Variants in VPS4B observed in about 807,000 individuals in gnomAD.
VPS4B encodes vacuolar protein sorting 4 homolog B, also known as vacuolar protein sorting-associated protein 4B.
Under a neutral mutation model 56.1 loss-of-function variants are expected in VPS4B, and 23 were observed. That is an observed-to-expected ratio of 0.41 (90% CI 0.30 to 0.58). VPS4B has a LOEUF of 0.58. Among genes scored for constraint, VPS4B ranks in the 20% least tolerant of loss-of-function variants. VPS4B has a pLI of 0.29. For missense variants in VPS4B, 372 were observed against 531.9 expected (o/e 0.70, Z 2.96); for synonymous variants, 177 against 186.0 (o/e 0.95, Z 0.39).
Position 63,422,331 on chromosome 18 carries a change from C to T in VPS4B, c.-72G>A. On this transcript the variant is annotated 5_prime_UTR_variant, in exon 1 of 11. Coordinates refer to ENST00000238497, the MANE Select transcript of VPS4B (RefSeq NM_004869.4). ...CCAACAGCAGCAACGTCGAAGCGCG[C>T]ACGGGGTAACAGCCCTCAAACTGGG... is the stretch of plus-strand genomic sequence containing the variant. The T allele has an allele frequency of 1.4e-6, 2 of 1,393,808 alleles. No homozygotes were observed. The highest frequency in any genetic ancestry group is 1.9e-6 in the Non-Finnish European group (2 of 1,057,822). 86.3% of individuals were successfully genotyped at this position (1,393,808 alleles called of 1,614,324 possible). A position where few individuals can be genotyped will look rare whatever the true frequency, so the allele number is the denominator to read the frequency against.
At chr18:63,398,204 C>CACACACACACATATATATATAT (rs1298374245) in intron 8 of VPS4B, among the ~76,000 whole-genome samples, 1 of 112,444 alleles carries the variant, frequency 8.9e-6, no homozygotes, top group African/African-American at 3.3e-5. Flanking sequence ...CACACACACA[C>CACACACACACATATATATATAT]ATATATATAT....
At chr18:63,413,590 C>T (rs910755255) in intron 1 of VPS4B, among the ~76,000 whole-genome samples, 1 of 147,024 alleles carries the variant, frequency 6.8e-6, no homozygotes. Context: ...AAAGGGCAAA[C>T]ATGACTTATT....
At chr18:63,400,995 C>T (rs1283211048) in intron 5 of VPS4B, among the ~76,000 whole-genome samples, 1 of 152,210 alleles carries the variant, frequency 6.6e-6, no homozygotes, top group Admixed American at 6.5e-5. Flanking sequence ...AAAAGGATTT[C>T]TGCCCTGCGT....
At chr18:63,420,536 G>A (rs902645003) in intron 1 of VPS4B, among the ~76,000 whole-genome samples, 12 of 152,262 alleles carry the variant, frequency 7.9e-5, no homozygotes, top group African/African-American at 2.9e-4. Flanking sequence ...TGAAAAGCTG[G>A]TGGAATAAAA....
intron 1 of VPS4B, among the ~76,000 whole-genome samples, chr18:63,418,388 A>G (rs1333662785): frequency 6.6e-6 from 1 of 152,010 alleles, no homozygotes; most frequent in Non-Finnish European, 1.5e-5. Context: ...CCTGGCTGTC[A>G]TGACACCATT....
At chr18:63,408,471 C>A (rs963453452) in intron 3 of VPS4B, among the ~76,000 whole-genome samples, 2 of 151,806 alleles carry the variant, frequency 1.3e-5, no homozygotes, top group Non-Finnish European at 2.9e-5. Flanking sequence ...AACAAACAAA[C>A]AAAAAAAACC....
chr18:63,422,330 G>C lies in VPS4B; in HGVS notation c.-71C>G. On this transcript the variant is annotated 5_prime_UTR_variant, in exon 1 of 11. Coordinates refer to ENST00000238497, the MANE Select transcript of VPS4B (RefSeq NM_004869.4). ...GCCAACAGCAGCAACGTCGAAGCGC[G>C]CACGGGGTAACAGCCCTCAAACTGG... 1 of 1,401,296 alleles carries C rather than the reference G, an allele frequency of 7.1e-7. No homozygotes were observed. The highest frequency in any genetic ancestry group is 9.4e-7 in the Non-Finnish European group (1 of 1,063,320). The allele number at this position is 1,401,296 out of a possible 1,614,324, so 86.8% of individuals were successfully genotyped here.
At chr18:63,417,872 T>C (rs1463965286) in intron 1 of VPS4B, among the ~76,000 whole-genome samples, 1 of 152,142 alleles carries the variant, frequency 6.6e-6, no homozygotes, top group Non-Finnish European at 1.5e-5. Context: ...CATGTGGAAT[T>C]GTCCTGTTCC....
At chr18:63,399,657 A>G (rs1915766301) in intron 7 of VPS4B, among the ~76,000 whole-genome samples, 1 of 151,636 alleles carries the variant, frequency 6.6e-6, no homozygotes, top group African/African-American at 2.4e-5. Context: ...ATAAATGAAT[A>G]CATTAAATCT....
chr18:63,415,445 T>G, intron 1 of VPS4B: 1 of 283,770 alleles, frequency 3.5e-6, no homozygotes, highest in Non-Finnish European at 7.3e-6. Flanking sequence ...CTGCTTTCTC[T>G]GTATATGACT....
At chr18:63,417,124 G>A (rs1347917688) in intron 1 of VPS4B, among the ~76,000 whole-genome samples, 1 of 151,846 alleles carries the variant, frequency 6.6e-6, no homozygotes, top group Non-Finnish European at 1.5e-5. Context: ...TCCTTTTTCA[G>A]TATCTTCTTC....
At chr18:63,420,338 C>T (rs1045595281) in intron 1 of VPS4B, among the ~76,000 whole-genome samples, 1 of 152,088 alleles carries the variant, frequency 6.6e-6, no homozygotes, top group Admixed American at 6.5e-5. Flanking sequence ...ATCCCAGCTA[C>T]TCGGGAGGCT....
intron 5 of VPS4B, among the ~76,000 whole-genome samples, chr18:63,402,320 A>C (rs1197373464): frequency 6.6e-6 from 1 of 152,200 alleles, no homozygotes; most frequent in Non-Finnish European, 1.5e-5. Flanking sequence ...TAACGTTACT[A>C]AGTAAAAATA....
In VPS4B at chr18:63,400,157, C is replaced by T. The variant is rs1915778452; in HGVS notation, c.681G>A (p.Lys227=). 2 of 1,611,106 alleles carry T rather than the reference C, an allele frequency of 1.2e-6. No homozygotes were observed. Among genetic ancestry groups the T allele is most frequent in the East Asian group, 4.5e-5 (2 of 44,738 alleles). ...KNLFQLAREN[K]PSIIFIDEID... ...TTTCATCAATGAAGATAATGGAGGG[C>T]TTGTTCTCTCTGGCAAGTTGGAATA... Residue 227 remains lysine, a synonymous_variant, in exon 7 of 11, where the codon AAG becomes AAA. Transcript: ENST00000238497.
Position 63,422,452 on chromosome 18 carries a change from A to C in VPS4B, c.-193T>G. The C allele has an allele frequency of 2.4e-6, 1 of 422,138 alleles. No homozygotes were observed. Among genetic ancestry groups the C allele is most frequent in the Non-Finnish European group, 4.1e-6 (1 of 244,672 alleles). 26.1% of individuals were successfully genotyped at this position (422,138 alleles called of 1,614,324 possible). A position where few individuals can be genotyped will look rare whatever the true frequency, so the allele number is the denominator to read the frequency against. On this transcript the variant is annotated 5_prime_UTR_variant, in exon 1 of 11. Transcript: ENST00000238497. ...ACCAGAGCTCCGACCCTCCCCACCA[A>C]ACTTCCGCAATCCCGAGGCCCTCTA...
chr18:63,420,536 G>C (rs902645003), intron 1 of VPS4B, among the ~76,000 whole-genome samples: 1 of 152,144 alleles, frequency 6.6e-6, no homozygotes, highest in African/African-American at 2.4e-5. Flanking sequence ...TGAAAAGCTG[G>C]TGGAATAAAA....
chr18:63,405,824 C>CAAAAA (rs373876300), intron 4 of VPS4B, among the ~76,000 whole-genome samples: 1 of 142,864 alleles, frequency 7.0e-6, no homozygotes, highest in African/African-American at 2.5e-5. Flanking sequence ...AACAAACAAA[C>CAAAAA]AAAAAAAAAA....
intron 9 of VPS4B, among the ~76,000 whole-genome samples, chr18:63,395,429 CAAAA>C (rs1915648564): frequency 6.6e-6 from 1 of 152,114 alleles, no homozygotes; most frequent in Non-Finnish European, 1.5e-5. Flanking sequence ...GAAAGGACTT[CAAAA>C]TAGCATTATC....
chr18:63,406,340 A>G (rs1915915934), intron 4 of VPS4B, among the ~76,000 whole-genome samples: 1 of 152,244 alleles, frequency 6.6e-6, no homozygotes, highest in Non-Finnish European at 1.5e-5. Context: ...CATTATCCTT[A>G]CAGTGTTTTC....
Sources: gnomAD v4.1 joint callset for allele counts (sites outside exome capture counted in the v4.1 genomes callset) on GRCh38, gnomAD v4.1.1 for gene constraint, MANE v1.5 for transcripts, NCBI Gene and HGNC (gene_info 2026-07-23, HGNC 2026-07-21) for gene names.